FAM219A: variants seen among roughly 807,000 people sequenced by gnomAD.
The protein encoded by FAM219A is protein FAM219A.
Under a neutral mutation model 23.4 loss-of-function variants are expected in FAM219A, and 7 were observed. The observed-to-expected ratio is 0.30, with a 90% CI of 0.17 to 0.56. FAM219A has a LOEUF of 0.56. Ranked by LOEUF, FAM219A falls within the 20% of genes least tolerant of loss-of-function variation. The pLI, the probability that FAM219A is intolerant of heterozygous loss-of-function variation, is 0.92. For missense variants in FAM219A, 166 were observed against 246.9 expected, an observed-to-expected ratio of 0.67 and a Z score of 2.20; for synonymous variants, 93 against 99.0, an observed-to-expected ratio of 0.94 and a Z score of 0.36.
At position 34,409,080 on chromosome 9, in the gene FAM219A, A is replaced by C. The variant is rs533275267; in HGVS notation, c.61-3116T>G. On this transcript the variant is annotated intron_variant, in intron 1 of 5. Transcript: ENST00000651358. ...CTGATGGTATTTGATCCTGGATGAA[A>C]CTGCCAGCTCCTTTGGACCACAATT... Among the ~76,000 whole-genome samples the C allele has an allele frequency of 5.9e-5, 9 of 152,296 alleles. No homozygotes were observed. In the South Asian group the frequency reaches 1.9e-3, roughly 32 times the overall value.
intron 1 of FAM219A, among the ~76,000 whole-genome samples, chr9:34,447,107 T>C (rs553627279): frequency 6.6e-6 from 1 of 152,344 alleles, no homozygotes; most frequent in Admixed American, 6.5e-5. Context: ...TTTCTGAGAA[T>C]AAGAGTCACA....
intron 1 of FAM219A, among the ~76,000 whole-genome samples, chr9:34,449,008 AC>A (rs201791630): frequency 1.5e-5 from 2 of 137,134 alleles, no homozygotes; most frequent in East Asian, 2.4e-4. Context: ...AAAAAAAAAA[AC>A]CTCAGCCATG....
intron 1 of FAM219A, among the ~76,000 whole-genome samples, chr9:34,434,031 T>A (rs2131986537): frequency 6.6e-6 from 1 of 151,784 alleles, no homozygotes; most frequent in East Asian, 1.9e-4. Context: ...TGAAACCCCG[T>A]CTCTACTAAA....
Position 34,398,584 on chromosome 9 carries a change from T to G in FAM219A, c.*2380A>C. ...CCTGCCAGGGAACTAGTATGTCCTG[T>G]GGGGGGGGAGATTTTCCCTGGTGTC... On this transcript the variant is annotated 3_prime_UTR_variant, in exon 6 of 6. Coordinates refer to ENST00000651358, the MANE Select transcript of FAM219A (RefSeq NM_001184940.2). 1.7e-6 allele frequency: 1 copy of G among 574,168 alleles called. No homozygotes were observed. The highest frequency in any genetic ancestry group is 2.2e-5 in the South Asian group (1 of 46,442). The allele number at this position is 574,168 out of a possible 1,614,324, so 35.6% of individuals were successfully genotyped here.
At chr9:34,410,232 C>T (rs1040030334) in intron 1 of FAM219A, among the ~76,000 whole-genome samples, 1 of 152,238 alleles carries the variant, frequency 6.6e-6, no homozygotes, top group African/African-American at 2.4e-5. Flanking sequence ...AGGGCTGTAC[C>T]AACTCATGAA....
At chr9:34,420,539 C>T (rs935165775) in intron 1 of FAM219A, among the ~76,000 whole-genome samples, 2 of 152,214 alleles carry the variant, frequency 1.3e-5, no homozygotes, top group African/African-American at 2.4e-5. Flanking sequence ...TTTGGGGGGT[C>T]ATTTGCAGCA....
chr9:34,430,926 A>G (rs1822676370), intron 1 of FAM219A, among the ~76,000 whole-genome samples: 1 of 152,192 alleles, frequency 6.6e-6, no homozygotes, highest in South Asian at 2.1e-4. Context: ...GACCCGGCAC[A>G]AACAGGAGGA....
Position 34,410,302 on chromosome 9 carries a change from G to T in FAM219A, c.61-4338C>A, listed in dbSNP as rs140353713. On this transcript the variant is annotated intron_variant, in intron 1 of 5. Coordinates refer to ENST00000651358, the MANE Select transcript of FAM219A (RefSeq NM_001184940.2). ...TGTGGGTAGTGCAGTCAATACAATG[G>T]TAGGCTGGGACCCAAGAGATCCCAA... is the stretch of plus-strand genomic sequence containing the variant. Among the ~76,000 whole-genome samples, 473 of 152,314 alleles carry T rather than the reference G, an allele frequency of 3.1e-3. 3 individuals carry two copies. Among genetic ancestry groups the T allele is most frequent in the African/African-American group, 0.01 (424 of 41,548 alleles).
chr9:34,402,153 T>C, intron 4 of FAM219A: 1 of 1,462,398 alleles, frequency 6.8e-7, no homozygotes, highest in South Asian at 1.4e-5. Context: ...TTGGATCAGT[T>C]GTCCCAGGAT....
chr9:34,407,993 C>T (rs1821698871), intron 1 of FAM219A, among the ~76,000 whole-genome samples: 1 of 152,216 alleles, frequency 6.6e-6, no homozygotes, highest in Non-Finnish European at 1.5e-5. Flanking sequence ...AAATCCTGGC[C>T]TTGTCTGTGT....
At chr9:34,455,985 G>T (rs1823716457) in intron 1 of FAM219A, among the ~76,000 whole-genome samples, 1 of 152,142 alleles carries the variant, frequency 6.6e-6, no homozygotes, top group Admixed American at 6.5e-5. Flanking sequence ...TTGAGGTCAG[G>T]CATTCAAGAC....
At chr9:34,451,630 T>G (rs375775972) in intron 1 of FAM219A, among the ~76,000 whole-genome samples, 12 of 152,294 alleles carry the variant, frequency 7.9e-5, no homozygotes, top group African/African-American at 2.9e-4. Flanking sequence ...TTTCCATTTC[T>G]GCTCACTCTG....
At chr9:34,439,741 A>C (rs970339880) in intron 1 of FAM219A, among the ~76,000 whole-genome samples, 6 of 152,184 alleles carry the variant, frequency 3.9e-5, no homozygotes, top group Non-Finnish European at 4.4e-5. Context: ...AAAGCCAGTG[A>C]TGCTGAATGT....
intron 1 of FAM219A, among the ~76,000 whole-genome samples, chr9:34,408,422 C>T (rs138642651): frequency 6.6e-6 from 1 of 152,370 alleles, no homozygotes; most frequent in Non-Finnish European, 1.5e-5. Context: ...CACTGCAAAG[C>T]AGCCAGAGGG....
chr9:34,456,504 C>G (rs1823734544), intron 1 of FAM219A, among the ~76,000 whole-genome samples: 1 of 152,230 alleles, frequency 6.6e-6, no homozygotes, highest in Admixed American at 6.5e-5. Context: ...TCATTGCTTC[C>G]TTTTCCTGAC....
intron 1 of FAM219A, among the ~76,000 whole-genome samples, chr9:34,453,750 C>T (rs1307749670): frequency 1.3e-5 from 2 of 152,166 alleles, no homozygotes; most frequent in East Asian, 3.9e-4. Context: ...CAGGGTGTTG[C>T]CTGACACAAT....
chr9:34,457,400 TTCC>T lies in FAM219A; in HGVS notation c.60+801_60+803del, dbSNP rs1823782458. ...CTCCGCGCCAGCAGCGATGACATCA[TTCC>T]TCCCTGACTCCGGGACCGCGGACAG... is the stretch of plus-strand genomic sequence containing the variant. On this transcript the variant is annotated intron_variant, in intron 1 of 5. Transcript: ENST00000651358. The surrounding 1 kb of genome is among the most constrained non-coding windows in gnomAD (Gnocchi z 5.1). 1 of 152,982 alleles carries T rather than the reference TTCC, an allele frequency of 6.5e-6. No homozygotes were observed. The highest frequency in any genetic ancestry group is 1.5e-5 in the Non-Finnish European group (1 of 68,456). The allele number at this position is 152,982 out of a possible 1,614,324, so 9.5% of individuals were successfully genotyped here.
intron 1 of FAM219A, among the ~76,000 whole-genome samples, chr9:34,451,075 T>A (rs1488859511): frequency 6.6e-6 from 1 of 152,184 alleles, no homozygotes; most frequent in Non-Finnish European, 1.5e-5. Context: ...TTGCTTGAAC[T>A]CTCTCCTGAG....
At position 34,406,991 on chromosome 9, in the gene FAM219A, C is replaced by T. The variant is rs192893353; in HGVS notation, c.61-1027G>A. ...CTAATTTTTGTATTTTTAGTAGAGA[C>T]GGGGTTTCACCATATTGGCCAGGCT... On this transcript the variant is annotated intron_variant, in intron 1 of 5. Coordinates refer to ENST00000651358, the MANE Select transcript of FAM219A (RefSeq NM_001184940.2). Among the ~76,000 whole-genome samples the T allele has an allele frequency of 7.3e-3, 1,103 of 151,994 alleles. 12 individuals carry two copies. The highest frequency in any genetic ancestry group is 0.012 in the Non-Finnish European group (797 of 67,948).
Sources: allele counts gnomAD v4.1 joint callset (sites outside exome capture counted in the v4.1 genomes callset), GRCh38; gene constraint gnomAD v4.1.1; non-coding constraint Gnocchi (gnomAD v3.1); transcripts MANE v1.5; gene names NCBI Gene and HGNC (gene_info 2026-07-23, HGNC 2026-07-21).